Variants in PRKD1 observed in about 807,000 individuals in gnomAD.
PRKD1 encodes protein kinase D1.
PRKD1 carries 63 observed loss-of-function variants against 95.9 expected under a neutral mutation model. The ratio of observed to expected loss-of-function variants is 0.66; its 90% CI spans 0.54 to 0.81. The LOEUF is 0.81. PRKD1 is among the 30% of genes least tolerant of loss of function. The pLI is 0.00. For missense variants in PRKD1, 1,048 were observed against 1,165.3 expected (o/e 0.90, Z 1.47); for synonymous variants, 425 against 423.1 (o/e 1.00, Z -0.05).
At chr14:29,778,464 T>A (rs1330169603) in intron 1 of PRKD1, among the ~76,000 whole-genome samples, 1 of 152,116 alleles carries the variant, frequency 6.6e-6, no homozygotes, top group East Asian at 1.9e-4. Flanking sequence ...TTATCACCAC[T>A]GATCCCACAG....
At chr14:29,726,159 A>G (rs1886132094) in intron 1 of PRKD1, among the ~76,000 whole-genome samples, 1 of 152,150 alleles carries the variant, frequency 6.6e-6, no homozygotes, top group Admixed American at 6.5e-5. Context: ...ATCTAAACAT[A>G]TTCTGTATGT....
At chr14:29,738,083 T>G (rs1886812172) in intron 1 of PRKD1, among the ~76,000 whole-genome samples, 1 of 152,134 alleles carries the variant, frequency 6.6e-6, no homozygotes, top group Non-Finnish European at 1.5e-5. Context: ...AAAGTATAAA[T>G]GAAAGGAAGA....
chr14:29,698,230 AT>A (rs1884637534), intron 2 of PRKD1, among the ~76,000 whole-genome samples: 1 of 152,194 alleles, frequency 6.6e-6, no homozygotes, highest in African/African-American at 2.4e-5. Flanking sequence ...GGATAATCAC[AT>A]ATGATATACA....
intron 1 of PRKD1, among the ~76,000 whole-genome samples, chr14:29,825,503 G>A (rs1891074342): frequency 6.7e-6 from 1 of 148,154 alleles, no homozygotes; most frequent in Non-Finnish European, 1.5e-5. Flanking sequence ...ACACATTTCA[G>A]TGGGGTCGAA....
intron 1 of PRKD1, among the ~76,000 whole-genome samples, chr14:29,881,698 T>G (rs1036063979): frequency 5.9e-5 from 9 of 152,186 alleles, no homozygotes; most frequent in African/African-American, 2.2e-4. Flanking sequence ...TCCCATCCCA[T>G]GGACTTTCAC....
In PRKD1 at chr14:29,622,654, C is replaced by T. The variant is rs557882142; in HGVS notation, c.1905+1498G>A. Reference sequence around the variant, plus strand: ...CCGACCTCAGGTGATCCGCCCTCCTCCGCCTACCAAAATGCTAGGATTACA... The same window carrying T: ...CCGACCTCAGGTGATCCGCCCTCCTTCGCCTACCAAAATGCTAGGATTACA... On this transcript the variant is annotated intron_variant, in intron 13 of 17. Transcript: ENST00000331968. 2.4e-3 allele frequency among the ~76,000 whole-genome samples: 364 copies of T among 152,214 alleles called. 1 individual carries two copies. Among genetic ancestry groups the T allele is most frequent in the Middle Eastern group, 6.8e-3 (2 of 294 alleles).
chr14:29,914,525 C>T (rs1384683036), intron 1 of PRKD1, among the ~76,000 whole-genome samples: 3 of 152,232 alleles, frequency 2.0e-5, no homozygotes, highest in South Asian at 2.1e-4. Context: ...GAGGCCAAGG[C>T]GGGTTCGAGA....
chr14:29,644,859 T>C (rs1417047438), intron 4 of PRKD1, among the ~76,000 whole-genome samples: 1 of 152,126 alleles, frequency 6.6e-6, no homozygotes, highest in East Asian at 1.9e-4. Flanking sequence ...CATTTATTTA[T>C]ACCTCATGTA....
chr14:29,864,192 A>G (rs950576904), intron 1 of PRKD1, among the ~76,000 whole-genome samples: 4 of 152,164 alleles, frequency 2.6e-5, no homozygotes. Flanking sequence ...CACAGGCAAC[A>G]TATTAATATT....
intron 2 of PRKD1, among the ~76,000 whole-genome samples, chr14:29,720,307 G>A (rs1360971922): frequency 6.6e-6 from 1 of 152,174 alleles, no homozygotes; most frequent in Non-Finnish European, 1.5e-5. Context: ...AATGTAAGTA[G>A]TGAAGAATAG....
chr14:29,828,471 A>T (rs753262498), intron 1 of PRKD1, among the ~76,000 whole-genome samples: 7 of 152,070 alleles, frequency 4.6e-5, no homozygotes, highest in Non-Finnish European at 1.0e-4. Flanking sequence ...CACCTCTAAC[A>T]TAGAGGTCAC....
chr14:29,599,868 T>G (rs1893452812), intron 13 of PRKD1, 51 bp from the exon 14 acceptor site: 3 of 1,531,656 alleles, frequency 2.0e-6, no homozygotes, highest in Non-Finnish European at 2.7e-6. Flanking sequence ...TTGATACTGT[T>G]TGGCAAGCTC....
rs534297666 is a variant in PRKD1 at position 29,726,802 on chromosome 14, C to T, written c.265-1128G>A. Among the ~76,000 whole-genome samples, 89 of 150,194 alleles carry T rather than the reference C, an allele frequency of 5.9e-4. 1 individual carries two copies. Among genetic ancestry groups the T allele is most frequent in the African/African-American group, 2.0e-3 (84 of 40,990 alleles). The stretch of plus-strand genomic sequence containing the variant: ...TTAACTTCCTTAAAAAAAAAAAACA[C>T]AACAGCTGAAATGATGTCACTGCTT... On this transcript the variant is annotated intron_variant, in intron 1 of 17. Coordinates refer to ENST00000331968, the MANE Select transcript of PRKD1 (RefSeq NM_002742.3).
chr14:29,629,953 TCTC>T (rs914423520), intron 10 of PRKD1, among the ~76,000 whole-genome samples: 3 of 148,580 alleles, frequency 2.0e-5, no homozygotes, highest in Admixed American at 6.7e-5. Flanking sequence ...CCTTCTTCCT[TCTC>T]CTTCTCCTTC....
At chr14:29,892,929 A>G (rs1420552287) in intron 1 of PRKD1, among the ~76,000 whole-genome samples, 1 of 152,214 alleles carries the variant, frequency 6.6e-6, no homozygotes, top group Non-Finnish European at 1.5e-5. Flanking sequence ...TTGAAATACC[A>G]TTAAATATAT....
intron 1 of PRKD1, among the ~76,000 whole-genome samples, chr14:29,727,503 T>TCTTCTAG (rs1470174198): frequency 6.6e-6 from 1 of 151,686 alleles, no homozygotes; most frequent in Non-Finnish European, 1.5e-5. Context: ...GCCTAGGTTT[T>TCTTCTAG]CTTCTAGGGT....
chr14:29,666,198 G>A lies in PRKD1; in HGVS notation c.414C>T (p.Thr138=). The part of the protein sequence containing the change: ...LIEVVLSASA[T]FEDFQIRPHA... ...GGGGACGAATCTGAAAGTCTTCAAA[G>A]GTGGCGGAAGCTGTAAAAATAGTGA... The change falls in exon 3 of 18, where the codon ACC becomes ACT. Residue 138 remains threonine, a synonymous_variant. Coordinates refer to ENST00000331968, the MANE Select transcript of PRKD1 (RefSeq NM_002742.3). The A allele has an allele frequency of 6.3e-7, 1 of 1,592,234 alleles. No homozygotes were observed. Among genetic ancestry groups the A allele is most frequent in the East Asian group, 2.2e-5 (1 of 44,546 alleles).
chr14:29,855,231 G>A (rs772028037), intron 1 of PRKD1, among the ~76,000 whole-genome samples: 9 of 152,208 alleles, frequency 5.9e-5, no homozygotes, highest in Admixed American at 1.3e-4. Context: ...ACTCAATGTC[G>A]GCCCATGAAA....
intron 1 of PRKD1, among the ~76,000 whole-genome samples, chr14:29,842,482 A>G (rs1891894109): frequency 1.3e-5 from 2 of 152,206 alleles, no homozygotes; most frequent in African/African-American, 2.4e-5. Context: ...TCATAGGAAC[A>G]TCATTGTATA....
Sources: gnomAD v4.1 joint callset for allele counts (sites outside exome capture counted in the v4.1 genomes callset) on GRCh38, gnomAD v4.1.1 for gene constraint, MANE v1.5 for transcripts, NCBI Gene and HGNC (gene_info 2026-07-23, HGNC 2026-07-21) for gene names.